Variants in TTYH2 observed in about 807,000 individuals in gnomAD.
TTYH2 encodes tweety family member 2.
In TTYH2, 49 loss-of-function variants were observed where a neutral mutation model predicts 68.3. That is an observed-to-expected ratio of 0.72 (90% confidence interval 0.57 to 0.91). The LOEUF is 0.91. Ranked by LOEUF, TTYH2 falls within the 40% of genes least tolerant of loss-of-function variation. TTYH2 has a pLI of 0.00. For synonymous variants in TTYH2, 272 were observed against 300.8 expected (o/e 0.90, Z 0.99); for missense variants, 631 against 700.4 (o/e 0.90, Z 1.12).
At chr17:74,231,100 C>CAGCCCCTCCGTGT in intron 3 of TTYH2, 101 bp downstream of exon 3, 1 of 1,110,930 alleles carries the variant, frequency 9.0e-7, no homozygotes, top group Non-Finnish European at 1.3e-6. Flanking sequence ...CAGCTGCACA[C>CAGCCCCTCCGTGT]GGAGGGGCTG....
Position 74,222,382 on chromosome 17 carries a change from A to T in TTYH2, c.130-103A>T. Reference sequence around the variant, plus strand: ...TGGAGCTTGGAAGGATGGACGAGAGATGCAGCTCAGGCAGTGGGGCACTCA... The same window carrying T: ...TGGAGCTTGGAAGGATGGACGAGAGTTGCAGCTCAGGCAGTGGGGCACTCA... On this transcript the variant is annotated intron_variant, in intron 1 of 13. Coordinates refer to ENST00000269346, the MANE Select transcript of TTYH2 (RefSeq NM_032646.6). The surrounding 1 kb of genome is among the most constrained non-coding windows in gnomAD (Gnocchi z 5.2). The T allele has an allele frequency of 7.5e-7, 1 of 1,326,386 alleles. No homozygotes were observed. Among genetic ancestry groups the T allele is most frequent in the Non-Finnish European group, 1.0e-6 (1 of 978,824 alleles). 82.2% of individuals were successfully genotyped at this position (1,326,386 alleles called of 1,614,324 possible). A position where few individuals can be genotyped will look rare whatever the true frequency, so the allele number is the denominator to read the frequency against.
rs549590568 is a variant in TTYH2, at chr17:74,255,475, G to A, written c.1524+1642G>A. Among the ~76,000 whole-genome samples the A allele has an allele frequency of 3.3e-5, 5 of 150,652 alleles. No homozygotes were observed. The East Asian group carries it at 5.8e-4, about 18-fold the overall frequency. ...TTTATTTTTTATTTTTTTTTGAGAC[G>A]GAGTCTCACTCTTCTGCCCAGGCTG... On this transcript the variant is annotated intron_variant, in intron 13 of 13. Transcript: ENST00000269346.
intron 1 of TTYH2, among the ~76,000 whole-genome samples, chr17:74,219,752 T>C (rs2050257566): frequency 6.6e-6 from 1 of 152,150 alleles, no homozygotes; most frequent in South Asian, 2.1e-4. Context: ...GTGGCTGGTT[T>C]CCTTTTCATG....
chr17:74,252,397 G>T, intron 11 of TTYH2, 21 bp downstream of exon 11: 1 of 1,610,506 alleles, frequency 6.2e-7, no homozygotes, highest in Admixed American at 1.7e-5. Context: ...TAGTAAGGAG[G>T]GGAGCCTCCC....
intron 4 of TTYH2, among the ~76,000 whole-genome samples, chr17:74,238,161 G>A (rs930554084): frequency 6.6e-6 from 1 of 152,158 alleles, no homozygotes; most frequent in Non-Finnish European, 1.5e-5. Flanking sequence ...GGTGCAGGGT[G>A]GAAACGCCAC....
intron 13 of TTYH2, among the ~76,000 whole-genome samples, chr17:74,255,296 C>T (rs1485987064): frequency 6.6e-6 from 1 of 152,302 alleles, no homozygotes; most frequent in East Asian, 1.9e-4. Flanking sequence ...GCACATTCCT[C>T]CTCGGTGGTG....
chr17:74,244,395 C>G (rs376577470), intron 6 of TTYH2, among the ~76,000 whole-genome samples: 2 of 152,172 alleles, frequency 1.3e-5, no homozygotes, highest in African/African-American at 4.8e-5. Flanking sequence ...AAGAACTGAC[C>G]GGGTCTCCTG....
chr17:74,236,539 AT>A (rs1226846047), intron 3 of TTYH2, among the ~76,000 whole-genome samples: 1 of 152,250 alleles, frequency 6.6e-6, no homozygotes, highest in Non-Finnish European at 1.5e-5. Flanking sequence ...GCATACGTTT[AT>A]TCCAGCCCTT....
At chr17:74,237,196 CACCT>C in intron 3 of TTYH2, 94 bp from the exon 4 acceptor site, 1 of 1,220,186 alleles carries the variant, frequency 8.2e-7, no homozygotes, top group Non-Finnish European at 1.2e-6. Flanking sequence ...GTAATTATCG[CACCT>C]GGCCAGGCCA....
intron 13 of TTYH2, among the ~76,000 whole-genome samples, chr17:74,259,760 C>T (rs1373488138): frequency 2.0e-5 from 3 of 152,090 alleles, no homozygotes; most frequent in Admixed American, 1.3e-4. Flanking sequence ...GCCAAGGTCA[C>T]GGGGTAAGAT....
chr17:74,242,535 G>C (rs2050512194), intron 4 of TTYH2, among the ~76,000 whole-genome samples: 1 of 152,134 alleles, frequency 6.6e-6, no homozygotes, highest in Non-Finnish European at 1.5e-5. Flanking sequence ...TGGGACTACA[G>C]GTGCCCGCCA....
intron 6 of TTYH2, among the ~76,000 whole-genome samples, chr17:74,246,937 C>T (rs1464595413): frequency 1.3e-5 from 2 of 152,060 alleles, no homozygotes; most frequent in Non-Finnish European, 2.9e-5. Context: ...AATCCCAGCA[C>T]TTTGGGAGGC....
At position 74,232,902 on chromosome 17, in the gene TTYH2, T is replaced by C. The variant is rs563835137; in HGVS notation, c.414+1903T>C. Among the ~76,000 whole-genome samples the C allele has an allele frequency of 6.6e-6, 1 of 152,292 alleles. No homozygotes were observed. Among genetic ancestry groups the C allele is most frequent in the East Asian group, 1.9e-4 (1 of 5,174 alleles). On this transcript the variant is annotated intron_variant, in intron 3 of 13. Transcript: ENST00000269346. This position sits in a 1 kb window ranked among gnomAD's most constrained non-coding sequence, Gnocchi z 5.1. Reference sequence around the variant, plus strand: ...CCCCAGGCTGGGGCCTCCCACCCCATGGCCTGATGGTGCTCCAGGGCCAGG... The same window carrying C: ...CCCCAGGCTGGGGCCTCCCACCCCACGGCCTGATGGTGCTCCAGGGCCAGG...
Position 74,247,755 on chromosome 17 carries a change from G to T in TTYH2, c.805-1256G>T, listed in dbSNP as rs527976181. Among the ~76,000 whole-genome samples the T allele has an allele frequency of 2.6e-5, 4 of 152,350 alleles. No individual in the cohort carries two copies. In the East Asian group the frequency reaches 7.7e-4, roughly 29 times the overall value. On this transcript the variant is annotated intron_variant, in intron 6 of 13. Transcript: ENST00000269346. Reference sequence around the variant, plus strand: ...CCAGGCCTGCTGGCGCCGCAGCTCTGATAGGTAATAATAGGCCAGGTTGAT... The same window carrying T: ...CCAGGCCTGCTGGCGCCGCAGCTCTTATAGGTAATAATAGGCCAGGTTGAT...
Position 74,244,010 on chromosome 17 carries a change from C to T in TTYH2, c.765C>T (p.Leu255=), listed in dbSNP as rs765913490. 6.2e-7 allele frequency: 1 copy of T among 1,612,342 alleles called. No homozygotes were observed. Among genetic ancestry groups the T allele is most frequent in the Admixed American group, 1.7e-5 (1 of 60,006 alleles). ...GCTGTGGGGCACTGAGCCTGCTCCTCAGTTGGGCATCCCTGGCCGCTGATG... is the reference window on the plus strand; with the variant it reads ...GCTGTGGGGCACTGAGCCTGCTCCTTAGTTGGGCATCCCTGGCCGCTGATG... ...MLCCGALSLL[L]SWASLAADGS... The change falls in exon 6 of 14, where the codon CTC becomes CTT. Residue 255 remains leucine (L), a synonymous_variant. Coordinates refer to ENST00000269346, the MANE Select transcript of TTYH2 (RefSeq NM_032646.6).
chr17:74,250,466 T>C, intron 10 of TTYH2, 109 bp downstream of exon 10: 1 of 896,422 alleles, frequency 1.1e-6, no homozygotes, highest in Non-Finnish European at 1.7e-6. Flanking sequence ...TGGGTCCCCT[T>C]CCGGCCCAGG....
chr17:74,250,142 C>A, intron 9 of TTYH2, 114 bp downstream of exon 9: 4 of 1,466,230 alleles, frequency 2.7e-6, no homozygotes, highest in East Asian at 2.4e-5. Context: ...TCTGTTCTCC[C>A]GCCCCCGTGA....
chr17:74,258,412 C>T (rs1057246970), intron 13 of TTYH2, among the ~76,000 whole-genome samples: 35 of 152,044 alleles, frequency 2.3e-4, no homozygotes, highest in African/African-American at 7.9e-4. Context: ...ATTACAGGCC[C>T]CCACCACCAC....
intron 10 of TTYH2, among the ~76,000 whole-genome samples, chr17:74,251,712 A>G (rs9892091): frequency 0.42 from 63,050 of 151,702 alleles, 13,797 homozygotes; most frequent in African/African-American, 0.53. Flanking sequence ...CAACCAGAGC[A>G]GTCCTTTTGC....
Sources: gnomAD v4.1 joint callset for allele counts (sites outside exome capture counted in the v4.1 genomes callset) on GRCh38, gnomAD v4.1.1 for gene constraint, Gnocchi (gnomAD v3.1) non-coding constraint, MANE v1.5 for transcripts, NCBI Gene and HGNC (gene_info 2026-07-23, HGNC 2026-07-21) for gene names.